The following PTPRQ variants were observed in gnomAD, a reference collection of about 807,000 sequenced individuals.
The protein encoded by PTPRQ is phosphatidylinositol phosphatase PTPRQ.
A neutral mutation model predicts 246.0 loss-of-function variants in PTPRQ; 199 were observed. The observed-to-expected ratio is 0.81, with a 90% CI of 0.72 to 0.91. The LOEUF (loss-of-function observed/expected upper bound fraction) is 0.91, where lower values mean the gene tolerates loss of function less well. PTPRQ is among the 40% of genes least tolerant of loss of function. The pLI is 0.00. For synonymous variants in PTPRQ, 869 were observed against 853.2 expected (o/e 1.02, Z -0.32); for missense variants, 2,624 against 2,528.4 (o/e 1.04, Z -0.81).
intron 17 of PTPRQ, among the ~76,000 whole-genome samples, chr12:80,517,848 A>T (rs1565758954): frequency 6.6e-6 from 1 of 152,280 alleles, no homozygotes; most frequent in Middle Eastern, 3.4e-3. Context: ...TCCATTGCGT[A>T]TAGATGTACC....
chr12:80,536,946 C>G (rs1385425312), intron 19 of PTPRQ, among the ~76,000 whole-genome samples: 1 of 152,148 alleles, frequency 6.6e-6, no homozygotes, highest in Non-Finnish European at 1.5e-5. Context: ...TTTTGGTTCT[C>G]TTTGTCCATA....
Position 80,493,263 on chromosome 12 carries a change from T to C in PTPRQ, c.1360-12T>C. Reference sequence around the variant, plus strand: ...TGTCACAGTCTTTTAAAATATCTACTTTTAATTACAGTATATAAATGACCC... The same window carrying C: ...TGTCACAGTCTTTTAAAATATCTACCTTTAATTACAGTATATAAATGACCC... On this transcript the variant is annotated splice_polypyrimidine_tract_variant and intron_variant, in intron 9 of 44. Coordinates refer to ENST00000644991, the MANE Select transcript of PTPRQ (RefSeq NM_001145026.2). 7.0e-7 allele frequency: 1 copy of C among 1,438,538 alleles called. No homozygotes were observed. Among genetic ancestry groups the C allele is most frequent in the Non-Finnish European group, 9.2e-7 (1 of 1,092,312 alleles). 89.1% of individuals were successfully genotyped at this position (1,438,538 alleles called of 1,614,324 possible).
intron 17 of PTPRQ, among the ~76,000 whole-genome samples, chr12:80,510,821 A>G (rs1312509359): frequency 1.3e-5 from 2 of 152,170 alleles, no homozygotes; most frequent in Admixed American, 1.3e-4. Context: ...TTTAATAAAC[A>G]TTTAAAATAG....
At position 80,649,665 on chromosome 12, in the gene PTPRQ, T is replaced by A. The variant is rs1419428864; in HGVS notation, c.6020T>A (p.Phe2007Tyr). ...AACAACCTAAAGTTTCAAGAAGAATTTTCGGTATGTTACTAGCAGTTGTCA... is the reference window on the plus strand; with the variant it reads ...AACAACCTAAAGTTTCAAGAAGAATATTCGGTATGTTACTAGCAGTTGTCA... Reference protein sequence around the residue: ...TNNNLKFQEEFSELPKFLQDL... With the variant: ...TNNNLKFQEEYSELPKFLQDL... The change falls in exon 37 of 45, where the codon TTT becomes TAT. Residue 2007 changes from phenylalanine to tyrosine, a missense_variant. Phe to Tyr is a conservative substitution (Grantham distance 22). Transcript: ENST00000644991. 1 of 1,548,346 alleles carries A rather than the reference T, an allele frequency of 6.5e-7. No homozygotes were observed. Among genetic ancestry groups the A allele is most frequent in the African/African-American group, 1.4e-5 (1 of 72,876 alleles).
intron 39 of PTPRQ, among the ~76,000 whole-genome samples, chr12:80,663,480 C>A (rs60573969): frequency 0.2 from 29,630 of 151,642 alleles, 4,531 homozygotes; most frequent in African/African-American, 0.42. Context: ...CATTCTCTAT[C>A]CCTCTGCCCT....
chr12:80,612,030 A>G (rs1320549062), intron 28 of PTPRQ, among the ~76,000 whole-genome samples: 2 of 150,378 alleles, frequency 1.3e-5, no homozygotes, highest in African/African-American at 4.8e-5. Context: ...TGAACTGTTG[A>G]CAGCCAAATA....
chr12:80,453,367 G>T (rs1422927328), intron 3 of PTPRQ, among the ~76,000 whole-genome samples: 1 of 152,144 alleles, frequency 6.6e-6, no homozygotes, highest in Non-Finnish European at 1.5e-5. Context: ...CTCTCAACTC[G>T]TGAAAGTCAT....
intron 3 of PTPRQ, 34 bp downstream of exon 3, chr12:80,445,751 A>G: frequency 7.5e-7 from 1 of 1,337,450 alleles, no homozygotes; most frequent in South Asian, 1.3e-5. Flanking sequence ...TTAGTGTTCA[A>G]ACATTTCATT....
intron 8 of PTPRQ, among the ~76,000 whole-genome samples, chr12:80,475,521 T>G (rs1031012545): frequency 3.3e-5 from 5 of 152,084 alleles, no homozygotes; most frequent in Non-Finnish European, 5.9e-5. Flanking sequence ...TTTGATTTTC[T>G]TTAGGTAATT....
At chr12:80,450,535 A>T (rs1892723457) in intron 3 of PTPRQ, among the ~76,000 whole-genome samples, 1 of 152,000 alleles carries the variant, frequency 6.6e-6, no homozygotes, top group Non-Finnish European at 1.5e-5. Flanking sequence ...AGCTCTTATT[A>T]TTTTGAGATA....
chr12:80,463,499 T>C (rs1893278481), intron 6 of PTPRQ, among the ~76,000 whole-genome samples: 1 of 152,066 alleles, frequency 6.6e-6, no homozygotes, highest in Non-Finnish European at 1.5e-5. Context: ...AACATTCAGA[T>C]TCAGGAAATA....
At chr12:80,642,935 A>AAC (rs1219644427) in intron 35 of PTPRQ, among the ~76,000 whole-genome samples, 10 of 145,642 alleles carry the variant, frequency 6.9e-5, no homozygotes, top group Middle Eastern at 3.4e-3. Context: ...AAAAAAAAAA[A>AAC]AAAAAAAAAA....
chr12:80,455,263 A>G (rs1047309594), intron 3 of PTPRQ, among the ~76,000 whole-genome samples: 1 of 152,242 alleles, frequency 6.6e-6, no homozygotes, highest in Non-Finnish European at 1.5e-5. Context: ...TATCGTTTAT[A>G]CTTTATGAAA....
At chr12:80,620,056 G>C (rs1004848061) in intron 31 of PTPRQ, 98 bp from the exon 32 acceptor site, 2 of 1,380,722 alleles carry the variant, frequency 1.4e-6, no homozygotes, top group Admixed American at 5.8e-5. Flanking sequence ...ATGTTGCATC[G>C]AGAGTCCCCT....
intron 25 of PTPRQ, among the ~76,000 whole-genome samples, chr12:80,574,763 T>A (rs910302524): frequency 6.6e-6 from 1 of 152,226 alleles, no homozygotes; most frequent in African/African-American, 2.4e-5. Flanking sequence ...CAGGTTGTTA[T>A]ACGTGTCAGC....
intron 8 of PTPRQ, among the ~76,000 whole-genome samples, chr12:80,482,316 A>G (rs1894096233): frequency 1.3e-5 from 2 of 152,018 alleles, no homozygotes; most frequent in Non-Finnish European, 2.9e-5. Flanking sequence ...AAAACTGGCT[A>G]GCCATATGTA....
intron 25 of PTPRQ, among the ~76,000 whole-genome samples, chr12:80,570,741 C>T (rs1897122538): frequency 1.3e-5 from 2 of 152,124 alleles, no homozygotes; most frequent in South Asian, 4.1e-4. Flanking sequence ...GTCTTTAATC[C>T]ATCTTGAGTT....
chr12:80,536,055 T>C (rs1342821088), intron 19 of PTPRQ, among the ~76,000 whole-genome samples: 3 of 152,096 alleles, frequency 2.0e-5, no homozygotes, highest in Admixed American at 6.5e-5. Flanking sequence ...TGCAGTGAGC[T>C]GAGATCCCGC....
chr12:80,484,661 G>C, intron 9 of PTPRQ, 56 bp downstream of exon 9: 1 of 1,523,062 alleles, frequency 6.6e-7, no homozygotes, highest in Non-Finnish European at 8.8e-7. Context: ...TTCTGGCTCT[G>C]ATAGCTTGGA....
Sources: gnomAD v4.1 joint callset for allele counts (sites outside exome capture counted in the v4.1 genomes callset) on GRCh38, gnomAD v4.1.1 for gene constraint, MANE v1.5 for transcripts, NCBI Gene and HGNC (gene_info 2026-07-23, HGNC 2026-07-21) for gene names.